Variants in CSNK2A2IP observed in about 807,000 individuals in gnomAD.
CSNK2A2IP encodes the protein casein kinase 2 subunit alpha' interacting protein.
the CSNK2A2IP span, among the ~76,000 whole-genome samples, chr3:88,387,750 G>A: frequency 1.5e-4 from 23 of 152,152 alleles, no homozygotes; most frequent in Admixed American, 3.3e-4. Flanking sequence ...TTTAAAGATA[G>A]AATCTTGCTC....
At chr3:88,461,918 T>A in the CSNK2A2IP span, among the ~76,000 whole-genome samples, 2 of 152,000 alleles carry the variant, frequency 1.3e-5, no homozygotes, top group Admixed American at 6.6e-5. Context: ...TTTGTTTTTT[T>A]TGTAGAGACA....
the CSNK2A2IP span, among the ~76,000 whole-genome samples, chr3:88,408,168 G>A: frequency 6.6e-6 from 1 of 152,204 alleles, no homozygotes; most frequent in African/African-American, 2.4e-5. Context: ...ATAGAAGTAA[G>A]ACAGGAAGAA....
the CSNK2A2IP span, among the ~76,000 whole-genome samples, chr3:88,419,439 T>C: frequency 6.6e-6 from 1 of 152,228 alleles, no homozygotes; most frequent in African/African-American, 2.4e-5. Flanking sequence ...CATGATTTCA[T>C]TATTTTTTAT....
chr3:88,418,967 GC>G, the CSNK2A2IP span, among the ~76,000 whole-genome samples: 2 of 152,130 alleles, frequency 1.3e-5, no homozygotes, highest in African/African-American at 4.8e-5. Context: ...GATTCTACTA[GC>G]AGTGCCCTAT....
the CSNK2A2IP span, among the ~76,000 whole-genome samples, chr3:88,347,003 G>A: frequency 3.9e-5 from 6 of 152,066 alleles, no homozygotes; most frequent in Non-Finnish European, 8.8e-5. Context: ...AACAGGAAAT[G>A]GAAAGAGTTG....
At chr3:88,361,368 AACTTTGCCAG>A in the CSNK2A2IP span, among the ~76,000 whole-genome samples, 1 of 152,188 alleles carries the variant, frequency 6.6e-6, no homozygotes, top group Non-Finnish European at 1.5e-5. Flanking sequence ...TTTGAAAAAT[AACTTTGCCAG>A]ATATAATATT....
At chr3:88,454,689 T>C in the CSNK2A2IP span, among the ~76,000 whole-genome samples, 56,661 of 151,590 alleles carry the variant, frequency 0.37, 11,092 homozygotes, top group East Asian at 0.69. Flanking sequence ...TATTTAGGGT[T>C]TACAATGTAA....
chr3:88,391,226 A>T, the CSNK2A2IP span, among the ~76,000 whole-genome samples: 1 of 152,216 alleles, frequency 6.6e-6, no homozygotes, highest in Non-Finnish European at 1.5e-5. Context: ...CATGATAAGA[A>T]CTAAAAATGT....
At chr3:88,356,975 G>A in the CSNK2A2IP span, among the ~76,000 whole-genome samples, 1 of 141,620 alleles carries the variant, frequency 7.1e-6, no homozygotes, top group Non-Finnish European at 1.6e-5. Context: ...TACTTTTCTA[G>A]TGTGTTGTTT....
At chr3:88,411,521 C>T in the CSNK2A2IP span, among the ~76,000 whole-genome samples, 2 of 151,794 alleles carry the variant, frequency 1.3e-5, no homozygotes, top group East Asian at 3.9e-4. Context: ...TTTAAAGATT[C>T]TCACCTAATT....
the CSNK2A2IP span, among the ~76,000 whole-genome samples, chr3:88,362,113 G>A: frequency 6.6e-6 from 1 of 152,026 alleles, no homozygotes; most frequent in African/African-American, 2.4e-5. Context: ...GACAAATGTA[G>A]TCTGTTTGGA....
the CSNK2A2IP span, among the ~76,000 whole-genome samples, chr3:88,360,910 T>C: frequency 6.6e-6 from 1 of 152,148 alleles, no homozygotes; most frequent in African/African-American, 2.4e-5. Flanking sequence ...TATTTTAAAC[T>C]GATGACAACT....
At chr3:88,377,191 C>T in the CSNK2A2IP span, among the ~76,000 whole-genome samples, 1 of 151,780 alleles carries the variant, frequency 6.6e-6, no homozygotes, top group South Asian at 2.1e-4. Flanking sequence ...AACCTGAAGT[C>T]CTTAACCTGA....
At chr3:88,442,544 A>T in the CSNK2A2IP span, among the ~76,000 whole-genome samples, 1 of 152,130 alleles carries the variant, frequency 6.6e-6, no homozygotes, top group Non-Finnish European at 1.5e-5. Context: ...TAAGAATAAT[A>T]ATTTACTGAT....
At chr3:88,397,150 G>A in the CSNK2A2IP span, among the ~76,000 whole-genome samples, 1 of 152,148 alleles carries the variant, frequency 6.6e-6, no homozygotes, top group Non-Finnish European at 1.5e-5. Flanking sequence ...TAGCTGTCAG[G>A]TGAAATCTTA....
At chr3:88,443,851 C>T in the CSNK2A2IP span, among the ~76,000 whole-genome samples, 3 of 150,778 alleles carry the variant, frequency 2.0e-5, no homozygotes, top group Non-Finnish European at 2.9e-5. Flanking sequence ...TTGCTACTCA[C>T]CAGTTTTCTC....
the CSNK2A2IP span, among the ~76,000 whole-genome samples, chr3:88,360,953 A>G: frequency 6.6e-6 from 1 of 152,204 alleles, no homozygotes; most frequent in Non-Finnish European, 1.5e-5. Context: ...ACAAACAACA[A>G]CAAAAAAACA....
chr3:88,400,344 C>G, the CSNK2A2IP span, among the ~76,000 whole-genome samples: 1 of 152,066 alleles, frequency 6.6e-6, no homozygotes, highest in East Asian at 1.9e-4. Context: ...ACTACATAAT[C>G]TAATGCTGCG....
At chr3:88,419,613 T>C in the CSNK2A2IP span, among the ~76,000 whole-genome samples, 1 of 152,172 alleles carries the variant, frequency 6.6e-6, no homozygotes, top group Admixed American at 6.5e-5. Flanking sequence ...TTTCTTTGGA[T>C]ATATACTCAG....
Sources: allele counts gnomAD v4.1 joint callset (sites outside exome capture counted in the v4.1 genomes callset), GRCh38; gene constraint gnomAD v4.1.1; transcripts MANE v1.5; gene names NCBI Gene and HGNC (gene_info 2026-07-23, HGNC 2026-07-21).